The following ZBTB34 variants were observed in gnomAD, a reference collection of about 807,000 sequenced individuals.
ZBTB34 encodes the protein zinc finger and BTB domain containing 34, also known as zinc finger and BTB domain-containing protein 34.
Under a neutral mutation model 33.4 loss-of-function variants are expected in ZBTB34, and 1 was observed. That is an observed-to-expected ratio of 0.03 (90% CI 0.01 to 0.14). ZBTB34 has a LOEUF of 0.14. Ranked by LOEUF, ZBTB34 falls within the 10% of genes least tolerant of loss-of-function variation. ZBTB34 has a pLI of 1.00. For synonymous variants in ZBTB34, 283 were observed against 253.5 expected, an observed-to-expected ratio of 1.12 and a Z score of -1.11; for missense variants, 406 against 657.2, an observed-to-expected ratio of 0.62 and a Z score of 4.18.
Position 126,880,102 on chromosome 9 carries a change from A to G in ZBTB34, c.703A>G (p.Ile235Val), listed in dbSNP as rs779753825. ...AGACCTATTGGTGAGGGAGAGCCAGATCACCGAGGTGAAAGTGAAGATGGA... is the reference window on the plus strand; with the variant it reads ...AGACCTATTGGTGAGGGAGAGCCAGGTCACCGAGGTGAAAGTGAAGATGGA... Residue 235 changes from isoleucine to valine, a missense_variant, in exon 2 of 2, where the codon ATC becomes GTC. Around this residue, in one of 6 missense-constraint regions of ZBTB34, gnomAD observed 137 missense variants for 173.0 expected, o/e 0.79. Transcript: ENST00000319119. This position sits in a 1 kb window ranked among gnomAD's most constrained non-coding sequence, Gnocchi z 6.7. 1 of 1,613,748 alleles carries G rather than the reference A, an allele frequency of 6.2e-7. No individual in the cohort carries two copies. Among genetic ancestry groups the G allele is most frequent in the Non-Finnish European group, 8.5e-7 (1 of 1,179,890 alleles).
chr9:126,863,430 C>G lies in ZBTB34; in HGVS notation c.-11+2691C>G, dbSNP rs181699999. On this transcript the variant is annotated intron_variant, in intron 1 of 1. Transcript: ENST00000319119. ...TACTGAGTTTTGGATTTCTGCACCG[C>G]TGTGTCCCCCCACTTTTGCCTTCCA... Among the ~76,000 whole-genome samples the G allele has an allele frequency of 6.3e-3, 961 of 152,322 alleles. 39 individuals carry two copies. In the East Asian group the frequency reaches 0.1, roughly 16 times the overall value.
At chr9:126,878,069 C>T (rs1173965418) in intron 1 of ZBTB34, among the ~76,000 whole-genome samples, 1 of 152,084 alleles carries the variant, frequency 6.6e-6, no homozygotes. Flanking sequence ...GGTGTGGCAG[C>T]TCACACTTGC....
chr9:126,863,312 G>A (rs2033164207), intron 1 of ZBTB34, among the ~76,000 whole-genome samples: 1 of 152,192 alleles, frequency 6.6e-6, no homozygotes, highest in Non-Finnish European at 1.5e-5. Flanking sequence ...GCAGCACCTA[G>A]TAACTGCTTA....
intron 1 of ZBTB34, among the ~76,000 whole-genome samples, chr9:126,867,430 C>G (rs894234225): frequency 4.3e-4 from 59 of 135,756 alleles, no homozygotes; most frequent in African/African-American, 1.3e-3. Flanking sequence ...ATCTTTGCTT[C>G]TTTTTTTGTC....
exon 2 of ZBTB34, chr9:126,885,569 T>G (rs1356887326): frequency 6.0e-6 from 1 of 167,124 alleles, no homozygotes; most frequent in Non-Finnish European, 1.5e-5. Flanking sequence ...GTCATTATCT[T>G]GCAATATAAA....
chr9:126,863,453 C>G (rs1293615830), intron 1 of ZBTB34, among the ~76,000 whole-genome samples: 3 of 152,150 alleles, frequency 2.0e-5, no homozygotes, highest in East Asian at 1.9e-4. Flanking sequence ...CTTTTGCCTT[C>G]CATTTGAAGC....
exon 2 of ZBTB34, chr9:126,883,422 A>G (rs1276005591): frequency 6.0e-6 from 1 of 167,056 alleles, no homozygotes; most frequent in African/African-American, 2.4e-5. Context: ...GGCTCTTGGC[A>G]TTGTCCGTCT....
chr9:126,881,529 C>T (rs1011694498), exon 2 of ZBTB34: 3 of 166,822 alleles, frequency 1.8e-5, no homozygotes, highest in Non-Finnish European at 4.4e-5. Context: ...GGGTTTTGCC[C>T]CTTCATTTCC....
At chr9:126,872,630 A>C (rs559656061) in intron 1 of ZBTB34, among the ~76,000 whole-genome samples, 38 of 152,288 alleles carry the variant, frequency 2.5e-4, no homozygotes, top group African/African-American at 9.1e-4. Context: ...ATAAATCTAC[A>C]CATGGAGTGT....
At chr9:126,869,431 G>A (rs1235684388) in intron 1 of ZBTB34, among the ~76,000 whole-genome samples, 1 of 152,090 alleles carries the variant, frequency 6.6e-6, no homozygotes, top group East Asian at 1.9e-4. Flanking sequence ...TGCGTCCTAA[G>A]CCTTACTTAC....
At chr9:126,873,639 C>G (rs1023081460) in intron 1 of ZBTB34, among the ~76,000 whole-genome samples, 10 of 151,972 alleles carry the variant, frequency 6.6e-5, no homozygotes, top group African/African-American at 2.2e-4. Flanking sequence ...GAGTCTTGCT[C>G]TGTCGCCCAG....
At chr9:126,863,786 C>G (rs2033169268) in intron 1 of ZBTB34, 1 of 870,600 alleles carries the variant, frequency 1.1e-6, no homozygotes, top group Non-Finnish European at 1.4e-6. Context: ...CCCTGAAATG[C>G]TAGCCAGCAG....
chr9:126,870,014 A>C (rs1411129941), intron 1 of ZBTB34, among the ~76,000 whole-genome samples: 1 of 152,242 alleles, frequency 6.6e-6, no homozygotes, highest in Non-Finnish European at 1.5e-5. Flanking sequence ...ACTGAAAATA[A>C]ATCCAGCTTG....
At chr9:126,865,836 T>C (rs1178132341) in intron 1 of ZBTB34, among the ~76,000 whole-genome samples, 1 of 152,010 alleles carries the variant, frequency 6.6e-6, no homozygotes, top group Admixed American at 6.6e-5. Context: ...AACACAAAAA[T>C]TAGCTGAATG....
Position 126,880,114 on chromosome 9 carries a change from A to C in ZBTB34, c.715A>C (p.Lys239Gln). 1 of 1,613,728 alleles carries C rather than the reference A, an allele frequency of 6.2e-7. No individual in the cohort carries two copies. The highest frequency in any genetic ancestry group is 8.5e-7 in the Non-Finnish European group (1 of 1,179,892). The change falls in exon 2 of 2, where the codon AAA (lysine) becomes CAA (glutamine). Residue 239 changes from lysine (K) to glutamine (Q), a missense_variant. Physicochemically the swap from Lys to Gln is moderately conservative, Grantham distance 53. Transcript: ENST00000319119. The surrounding 1 kb of genome is among the most constrained non-coding windows in gnomAD (Gnocchi z 6.7). ...GAGGGAGAGCCAGATCACCGAGGTG[A>C]AAGTGAAGATGGAGAAGTCCGACCG...
chr9:126,868,977 C>G (rs574235247), intron 1 of ZBTB34, among the ~76,000 whole-genome samples: 11 of 151,530 alleles, frequency 7.3e-5, no homozygotes, highest in African/African-American at 2.7e-4. Flanking sequence ...CGGGGCCCAC[C>G]TGGAACATTC....
chr9:126,862,612 T>C (rs2033156759), intron 1 of ZBTB34, among the ~76,000 whole-genome samples: 1 of 152,194 alleles, frequency 6.6e-6, no homozygotes, highest in Non-Finnish European at 1.5e-5. Flanking sequence ...CTTTTTCTTT[T>C]CTGTGCAAAT....
intron 1 of ZBTB34, among the ~76,000 whole-genome samples, chr9:126,877,500 T>C (rs1042580720): frequency 3.3e-5 from 5 of 152,192 alleles, no homozygotes; most frequent in Non-Finnish European, 5.9e-5. Context: ...AATATAATTG[T>C]TAGATCTGGT....
intron 1 of ZBTB34, among the ~76,000 whole-genome samples, chr9:126,877,340 A>C (rs930728992): frequency 6.6e-6 from 1 of 152,160 alleles, no homozygotes; most frequent in African/African-American, 2.4e-5. Context: ...TTTTTTGGAG[A>C]TACATTCTCA....
Sources: gnomAD v4.1 joint callset for allele counts (sites outside exome capture counted in the v4.1 genomes callset) on GRCh38, gnomAD v4.1.1 for gene constraint, gnomAD v4.1.1 regional missense constraint, Gnocchi (gnomAD v3.1) non-coding constraint, MANE v1.5 for transcripts, NCBI Gene and HGNC (gene_info 2026-07-23, HGNC 2026-07-21) for gene names.